The following FAM163A variants were observed in gnomAD, a reference collection of about 807,000 sequenced individuals.
FAM163A encodes the protein protein FAM163A.
Under a neutral mutation model 12.0 loss-of-function variants are expected in FAM163A, and 7 were observed. The ratio of observed to expected loss-of-function variants is 0.58; its 90% CI spans 0.33 to 1.10. FAM163A has a LOEUF of 1.10. Ranked by LOEUF, FAM163A falls within the 50% of genes least tolerant of loss-of-function variation. The pLI is 0.03. For missense variants in FAM163A, 202 were observed against 218.6 expected, an observed-to-expected ratio of 0.92 and a Z score of 0.48; for synonymous variants, 101 against 91.0, an observed-to-expected ratio of 1.11 and a Z score of -0.62.
At chr1:179,775,692 T>C (rs1220865056) in intron 1 of FAM163A, among the ~76,000 whole-genome samples, 1 of 152,192 alleles carries the variant, frequency 6.6e-6, no homozygotes, top group Non-Finnish European at 1.5e-5. Context: ...AACACTCACA[T>C]TCAGTATTCA....
intron 1 of FAM163A, among the ~76,000 whole-genome samples, chr1:179,757,373 G>A (rs1686174355): frequency 6.6e-6 from 1 of 152,166 alleles, no homozygotes; most frequent in Admixed American, 6.5e-5. Context: ...GGAATCTTTT[G>A]GCCTTTAGAC....
chr1:179,787,550 G>T (rs74345161), intron 1 of FAM163A, among the ~76,000 whole-genome samples: 1 of 152,176 alleles, frequency 6.6e-6, no homozygotes, highest in Non-Finnish European at 1.5e-5. Context: ...CCACAGGCAG[G>T]GGTGAAATCA....
At chr1:179,753,883 T>TA (rs1685636051) in intron 1 of FAM163A, among the ~76,000 whole-genome samples, 1 of 152,162 alleles carries the variant, frequency 6.6e-6, no homozygotes, top group African/African-American at 2.4e-5. Context: ...TTTTCTTACC[T>TA]AAAAAATAGG....
At chr1:179,733,861 C>G in the FAM163A span, among the ~76,000 whole-genome samples, 1 of 152,188 alleles carries the variant, frequency 6.6e-6, no homozygotes, top group Non-Finnish European at 1.5e-5. Context: ...AAGTCTTCTC[C>G]CCATATCCCT....
At chr1:179,755,149 A>G (rs1305210828) in intron 1 of FAM163A, among the ~76,000 whole-genome samples, 4 of 149,698 alleles carry the variant, frequency 2.7e-5, no homozygotes, top group African/African-American at 4.9e-5. Context: ...AAAAAAAAAA[A>G]AAAGAAAGGT....
intron 2 of FAM163A, among the ~76,000 whole-genome samples, chr1:179,811,072 G>A (rs1694636777): frequency 6.6e-6 from 1 of 152,106 alleles, no homozygotes; most frequent in African/African-American, 2.4e-5. Context: ...ACTGCATGAT[G>A]GGGCAGTGGA....
upstream of FAM163A, chr1:179,742,826 G>A (rs1025350992): frequency 3.9e-5 from 6 of 151,954 alleles, no homozygotes; most frequent in African/African-American, 7.3e-5. Context: ...CCTGCCACGA[G>A]GCCCGGGTAC....
chr1:179,776,656 TG>T (rs935183104), intron 1 of FAM163A, among the ~76,000 whole-genome samples: 28 of 152,334 alleles, frequency 1.8e-4, no homozygotes, highest in African/African-American at 6.7e-4. Flanking sequence ...ACCCTCTGCC[TG>T]GTCGACTGTC....
chr1:179,809,737 G>T (rs1694443346), intron 2 of FAM163A, among the ~76,000 whole-genome samples: 1 of 152,182 alleles, frequency 6.6e-6, no homozygotes, highest in African/African-American at 2.4e-5. Context: ...GATCACTGCT[G>T]CCTCCCCAGC....
At chr1:179,811,086 C>T (rs1030708624) in intron 2 of FAM163A, among the ~76,000 whole-genome samples, 1 of 151,740 alleles carries the variant, frequency 6.6e-6, no homozygotes, top group South Asian at 2.1e-4. Flanking sequence ...CAGTGGATCA[C>T]GTAAGCGGAA....
chr1:179,742,583 G>A (rs1683779171), upstream of FAM163A: 1 of 152,314 alleles, frequency 6.6e-6, no homozygotes. Context: ...AGGCCGTCAT[G>A]TTCTCTCAGC....
chr1:179,792,326 T>TGTGG (rs568109867), intron 1 of FAM163A, among the ~76,000 whole-genome samples: 3 of 143,800 alleles, frequency 2.1e-5, no homozygotes, highest in Non-Finnish European at 4.6e-5. Flanking sequence ...TGTGTGTGTG[T>TGTGG]GGAGATTGGG....
At position 179,807,780 on chromosome 1, in the gene FAM163A, CCTTCT is replaced by C. The variant is rs754107311; in HGVS notation, c.-135-10_-135-6del. ...CCCTGTCCAGCTCTCATGAGCCTTT[CCTTCT>C]CTTCTCTGGCAGGGACTGATGCCCT... On this transcript the variant is annotated splice_polypyrimidine_tract_variant and intron_variant, in intron 1 of 4. Coordinates refer to ENST00000341785, the MANE Select transcript of FAM163A (RefSeq NM_173509.3). 1 of 152,400 alleles carries C rather than the reference CCTTCT, an allele frequency of 6.6e-6. No homozygotes were observed. The highest frequency in any genetic ancestry group is 1.5e-5 in the Non-Finnish European group (1 of 68,162). 9.4% of individuals were successfully genotyped at this position (152,400 alleles called of 1,614,324 possible). A position where few individuals can be genotyped will look rare whatever the true frequency, so the allele number is the denominator to read the frequency against.
chr1:179,798,862 G>C (rs559510566), intron 1 of FAM163A, among the ~76,000 whole-genome samples: 11 of 152,228 alleles, frequency 7.2e-5, no homozygotes, highest in African/African-American at 2.6e-4. Context: ...AAGTTTCTTT[G>C]GTATAATTTA....
intron 1 of FAM163A, among the ~76,000 whole-genome samples, chr1:179,773,722 T>A (rs1688570463): frequency 6.6e-6 from 1 of 152,200 alleles, no homozygotes; most frequent in African/African-American, 2.4e-5. Flanking sequence ...GCCGGGTTAG[T>A]GCTGTCTGCA....
intron 2 of FAM163A, 88 bp from the exon 3 acceptor site, chr1:179,812,022 G>T (rs1419003340): frequency 6.6e-6 from 1 of 152,542 alleles, no homozygotes; most frequent in Non-Finnish European, 1.5e-5. Flanking sequence ...CAAAATGAGG[G>T]TTGTCTGGGA....
intron 1 of FAM163A, among the ~76,000 whole-genome samples, chr1:179,783,183 G>A (rs1690045229): frequency 6.6e-6 from 1 of 151,196 alleles, no homozygotes; most frequent in Non-Finnish European, 1.5e-5. Flanking sequence ...AATGCAGAAT[G>A]CCAAACTGTA....
rs556163541 is a variant in FAM163A, at chr1:179,793,028, C to A, written c.-135-14770C>A. Among the ~76,000 whole-genome samples, 603 of 151,728 alleles carry A rather than the reference C, an allele frequency of 4.0e-3. 2 individuals carry two copies. The highest frequency in any genetic ancestry group is 0.014 in the Middle Eastern group (4 of 294). The stretch of plus-strand genomic sequence containing the variant: ...AGAGAATATCATGAAAAAAAAAAGG[C>A]ATGGAATCATGTAGTTTTGTGGAAC... On this transcript the variant is annotated intron_variant, in intron 1 of 4. Transcript: ENST00000341785.
At chr1:179,793,143 C>G (rs1278134100) in intron 1 of FAM163A, among the ~76,000 whole-genome samples, 1 of 152,144 alleles carries the variant, frequency 6.6e-6, no homozygotes, top group African/African-American at 2.4e-5. Flanking sequence ...CATCCTTTCT[C>G]TGACAACTTC....
Sources: allele counts gnomAD v4.1 joint callset (sites outside exome capture counted in the v4.1 genomes callset), GRCh38; gene constraint gnomAD v4.1.1; transcripts MANE v1.5; gene names NCBI Gene and HGNC (gene_info 2026-07-23, HGNC 2026-07-21).